The following AR variants were observed in gnomAD, a reference collection of about 807,000 sequenced individuals.
The protein encoded by AR is androgen receptor.
AR carries 8 observed loss-of-function variants against 53.9 expected under a neutral mutation model. The ratio of observed to expected loss-of-function variants is 0.15; its 90% CI spans 0.09 to 0.27. The LOEUF is 0.27. AR is among the 10% of genes least tolerant of loss of function. The probability of loss-of-function intolerance (pLI) is 1.00; values close to 1 mark genes in which losing one functional copy is unlikely to be tolerated. For missense variants in AR, 639 were observed against 742.5 expected, an observed-to-expected ratio of 0.86 and a Z score of 1.62; for synonymous variants, 359 against 316.4, an observed-to-expected ratio of 1.13 and a Z score of -1.43.
At chrX:67,608,058 C>A in intron 1 of AR, among the ~76,000 whole-genome samples, 1 of 112,069 alleles carries the variant, frequency 8.9e-6, no homozygotes. Flanking sequence ...CCCAGCAGAG[C>A]CGTAGATTTT....
chrX:67,667,273 T>C (rs1382598929), intron 2 of AR, among the ~76,000 whole-genome samples: 1 of 111,764 alleles, frequency 8.9e-6, no homozygotes, highest in African/African-American at 3.3e-5. Context: ...CTTCTGCATA[T>C]GGATATCCAG....
intron 1 of AR, among the ~76,000 whole-genome samples, chrX:67,583,571 GT>G (rs1032073907): frequency 8.9e-6 from 1 of 111,825 alleles, no homozygotes; most frequent in African/African-American, 3.3e-5. Context: ...CAAGAGGTTG[GT>G]TTTGAAAGCT....
intron 1 of AR, among the ~76,000 whole-genome samples, chrX:67,549,532 A>T (rs1043723741): frequency 1.8e-5 from 2 of 111,939 alleles, no homozygotes; most frequent in African/African-American, 6.5e-5. Context: ...AACCCTGATG[A>T]TATTTTATGG....
At chrX:67,693,604 T>C (rs1602260444) in intron 3 of AR, among the ~76,000 whole-genome samples, 1 of 111,931 alleles carries the variant, frequency 8.9e-6, no homozygotes, top group East Asian at 2.8e-4. Flanking sequence ...TTTGGAGACA[T>C]TTGCACATCT....
At position 67,700,534 on chromosome X, in the gene AR, G is replaced by C. The variant is rs901047400; in HGVS notation, c.1886-10868G>C. ...TCTGATTTCAATTACGTTCAGTATA[G>C]TCACTCTCTTTAGGCAGAGAAGCCA... On this transcript the variant is annotated intron_variant, in intron 3 of 7. Transcript: ENST00000374690. Among the ~76,000 whole-genome samples, 6 of 111,565 alleles carry C rather than the reference G, an allele frequency of 5.4e-5. No homozygotes were observed. In the South Asian group the frequency reaches 2.3e-3, roughly 43 times the overall value.
chrX:67,689,886 A>G (rs1215884946), intron 3 of AR: 2 of 227,286 alleles, frequency 8.8e-6, no homozygotes, highest in Non-Finnish European at 1.3e-5. Context: ...TTCCAAGGGT[A>G]CACTCCTTGT....
At chrX:67,559,341 A>G (rs756673961) in intron 1 of AR, among the ~76,000 whole-genome samples, 1 of 112,235 alleles carries the variant, frequency 8.9e-6, no homozygotes, top group African/African-American at 3.2e-5. Context: ...AAGATTGGAC[A>G]GAGAATTGGG....
Position 67,546,011 on chromosome X carries a change from G to A in AR, c.865G>A (p.Glu289Lys), listed in dbSNP as rs750324117. The A allele has an allele frequency of 1.5e-5, 18 of 1,211,068 alleles. No homozygotes were observed. In the African/African-American group the frequency reaches 2.4e-4, roughly 16 times the overall value. Residue 289 changes from glutamate to lysine, a missense_variant, in exon 1 of 8, where the codon GAA becomes AAA. This residue lies in a region of AR where 423 missense variants were observed against 377.0 expected (regional missense o/e 1.12). Transcript: ENST00000374690. ...VRPTPCAPLAECKGSLLDDSA... is the reference protein window; with the variant it reads ...VRPTPCAPLAKCKGSLLDDSA... ...TCCCACTCCTTGTGCCCCATTGGCC[G>A]AATGCAAAGGTTCTCTGCTAGACGA...
At chrX:67,558,705 A>G (rs1921164415) in intron 1 of AR, among the ~76,000 whole-genome samples, 1 of 112,353 alleles carries the variant, frequency 8.9e-6, no homozygotes, top group Non-Finnish European at 1.9e-5. Context: ...AGAGATCCCA[A>G]GGAGGTTGAT....
At chrX:67,656,055 G>C (rs963863558) in intron 2 of AR, among the ~76,000 whole-genome samples, 15 of 112,002 alleles carry the variant, frequency 1.3e-4, no homozygotes, top group African/African-American at 4.9e-4. Flanking sequence ...AAGAAAGTTG[G>C]CTAGAGTGAT....
At chrX:67,718,783 G>A (rs927254587) in intron 5 of AR, among the ~76,000 whole-genome samples, 14 of 111,342 alleles carry the variant, frequency 1.3e-4, no homozygotes, top group African/African-American at 3.9e-4. Flanking sequence ...ATAGATGCCC[G>A]CCACCGTGTC....
chrX:67,624,904 CAAAAAAAAAAAAAA>C (rs140323582), intron 1 of AR, among the ~76,000 whole-genome samples: 16 of 18,181 alleles, frequency 8.8e-4, no homozygotes, highest in South Asian at 0.01. Flanking sequence ...GGCAATTAGG[CAAAAAAAAAAAAAA>C]AAAAAAAAAA....
chrX:67,689,499 T>C, intron 3 of AR: 4 of 798,601 alleles, frequency 5.0e-6, no homozygotes, highest in East Asian at 8.2e-5. Context: ...TTAATAGATA[T>C]AGCTTTTTCT....
intron 1 of AR, among the ~76,000 whole-genome samples, chrX:67,642,592 T>C (rs1014788404): frequency 3.6e-5 from 4 of 111,338 alleles, no homozygotes; most frequent in Non-Finnish European, 5.7e-5. Flanking sequence ...TGTTGTGGAA[T>C]GGAATCTGGC....
At chrX:67,671,482 T>C (rs1307387300) in intron 2 of AR, among the ~76,000 whole-genome samples, 2 of 112,710 alleles carry the variant, frequency 1.8e-5, no homozygotes, top group East Asian at 2.8e-4. Flanking sequence ...AAGTTCCTTG[T>C]CGATTCTGGA....
chrX:67,614,927 G>T (rs1238275953), intron 1 of AR, among the ~76,000 whole-genome samples: 1 of 110,988 alleles, frequency 9.0e-6, no homozygotes, highest in Non-Finnish European at 1.9e-5. Context: ...AAAATCTGGA[G>T]TTGAAAATTA....
intron 1 of AR, among the ~76,000 whole-genome samples, chrX:67,624,227 C>G (rs1424886306): frequency 9.0e-6 from 1 of 111,566 alleles, no homozygotes. Flanking sequence ...TGACACAGAG[C>G]AAAACCATAT....
chrX:67,708,975 G>A lies in AR; in HGVS notation c.1886-2427G>A, dbSNP rs982664351. ...CAGCGAATATTGCTGAACAGCAAAT[G>A]TTGCTGCCTACTCATTCTTCTGGAA... On this transcript the variant is annotated intron_variant, in intron 3 of 7. Coordinates refer to ENST00000374690, the MANE Select transcript of AR (RefSeq NM_000044.6). 2.7e-5 allele frequency among the ~76,000 whole-genome samples: 3 copies of A among 111,933 alleles called. No individual in the cohort carries two copies. In the Admixed American group the frequency reaches 2.8e-4, roughly 11 times the overall value.
chrX:67,568,902 C>A, intron 1 of AR: 1 of 1,205,448 alleles, frequency 8.3e-7, no homozygotes, highest in Admixed American at 2.2e-5. Context: ...TATGCAAATG[C>A]CTGCCTGAAG....
Sources: allele counts gnomAD v4.1 joint callset (sites outside exome capture counted in the v4.1 genomes callset), GRCh38; gene constraint gnomAD v4.1.1; regional missense constraint gnomAD v4.1.1; transcripts MANE v1.5; gene names NCBI Gene and HGNC (gene_info 2026-07-23, HGNC 2026-07-21).